Variants in PAN3 observed in about 807,000 individuals in gnomAD.
The protein encoded by PAN3 is poly(A) specific ribonuclease subunit PAN3.
A neutral mutation model predicts 96.2 loss-of-function variants in PAN3; 19 were observed. The observed-to-expected ratio is 0.20, with a 90% CI of 0.14 to 0.29. PAN3 has a LOEUF of 0.29. PAN3 is among the 10% of genes least tolerant of loss of function. The pLI is 1.00. For synonymous variants in PAN3, 433 were observed against 406.6 expected, an observed-to-expected ratio of 1.06 and a Z score of -0.78; for missense variants, 882 against 1,108.1, an observed-to-expected ratio of 0.80 and a Z score of 2.90.
At chr13:28,228,920 CT>C (rs1882270510) in intron 6 of PAN3, among the ~76,000 whole-genome samples, 1 of 152,126 alleles carries the variant, frequency 6.6e-6, no homozygotes, top group Non-Finnish European at 1.5e-5. Context: ...GTATTTCTTG[CT>C]TTTGTAACAC....
At chr13:28,157,004 A>G (rs571015980) in intron 1 of PAN3, among the ~76,000 whole-genome samples, 121 of 150,562 alleles carry the variant, frequency 8.0e-4, no homozygotes, top group Non-Finnish European at 1.6e-3. Context: ...AAAAAAAAAA[A>G]AAAAAAAAAA....
chr13:28,183,440 C>T (rs570869185), intron 4 of PAN3, among the ~76,000 whole-genome samples: 1 of 152,278 alleles, frequency 6.6e-6, no homozygotes, highest in East Asian at 1.9e-4. Context: ...ATTCATTCAC[C>T]TCCGCTTGTC....
intron 5 of PAN3, chr13:28,214,996 C>G (rs1880551674): frequency 1.5e-6 from 2 of 1,316,694 alleles, no homozygotes; most frequent in Non-Finnish European, 2.2e-6. Flanking sequence ...ACTGAGCCAA[C>G]TTACAGCCAG....
chr13:28,146,633 G>C (rs532379262), intron 1 of PAN3, among the ~76,000 whole-genome samples: 1 of 152,108 alleles, frequency 6.6e-6, no homozygotes, highest in South Asian at 2.1e-4. Context: ...GCCTGTTACT[G>C]TACTGAATAC....
chr13:28,277,522 A>G (rs1361651758), intron 15 of PAN3, 146 bp downstream of exon 15: 2 of 833,336 alleles, frequency 2.4e-6, no homozygotes, highest in Non-Finnish European at 3.6e-6. Flanking sequence ...TGCAAAGTAA[A>G]TATTTCTTAG....
At chr13:28,144,039 A>G (rs951984164) in intron 1 of PAN3, among the ~76,000 whole-genome samples, 1 of 152,066 alleles carries the variant, frequency 6.6e-6, no homozygotes, top group Non-Finnish European at 1.5e-5. Flanking sequence ...AAGGCTTTAT[A>G]ATACTGTTCA....
At chr13:28,151,286 T>C (rs942860693) in intron 1 of PAN3, among the ~76,000 whole-genome samples, 7 of 151,948 alleles carry the variant, frequency 4.6e-5, no homozygotes, top group African/African-American at 1.5e-4. Flanking sequence ...GAGGCCGAGG[T>C]GGGCAGATCA....
At chr13:28,139,553 G>GTGTGTGTGTGT (rs1869380395) in intron 1 of PAN3, among the ~76,000 whole-genome samples, 1 of 94,928 alleles carries the variant, frequency 1.1e-5, no homozygotes, top group African/African-American at 6.0e-5. Flanking sequence ...TGTGTGTGTA[G>GTGTGTGTGTGT]GGGGCGGGAG....
At position 28,293,224 on chromosome 13, in the gene PAN3, C is replaced by G. The variant is rs1389060790; in HGVS notation, c.*702C>G. On this transcript the variant is annotated 3_prime_UTR_variant, in exon 19 of 19. Coordinates refer to ENST00000380958, the MANE Select transcript of PAN3 (RefSeq NM_175854.8). ...ACAGTAACTGAAGGAGCATGTATAGCTCTTTCCTTCAAATTCAACTAGAGC... is the reference window on the plus strand; with the variant it reads ...ACAGTAACTGAAGGAGCATGTATAGGTCTTTCCTTCAAATTCAACTAGAGC... The G allele has an allele frequency of 6.6e-6, 1 of 152,094 alleles. No homozygotes were observed. The highest frequency in any genetic ancestry group is 1.5e-5 in the Non-Finnish European group (1 of 68,018). The allele number at this position is 152,094 out of a possible 1,614,324, so 9.4% of individuals were successfully genotyped here.
intron 4 of PAN3, among the ~76,000 whole-genome samples, chr13:28,195,890 T>A (rs1387084037): frequency 6.6e-6 from 1 of 152,180 alleles, no homozygotes; most frequent in African/African-American, 2.4e-5. Flanking sequence ...GAGTGGAGAA[T>A]CTAATTTGCA....
rs45566937 is a variant in PAN3 at position 28,260,488 on chromosome 13, C to T, written c.1290C>T (p.His430=). The change falls in exon 8 of 19, where the codon CAC becomes CAT. Residue 430 remains histidine, a synonymous_variant. Transcript: ENST00000380958. ...NYHIYPPTAP[H]VAYMQPKANA... is the part of the protein sequence containing the mutation. Reference sequence around the variant, plus strand: ...ATATTTATCCTCCAACTGCACCTCACGTTGCTTATATGCAACCGAAAGCAA... The same window carrying T: ...ATATTTATCCTCCAACTGCACCTCATGTTGCTTATATGCAACCGAAAGCAA... The T allele has an allele frequency of 3.1e-3, 4,976 of 1,613,510 alleles. 113 individuals carry two copies. In the African/African-American group the frequency reaches 0.054, roughly 18 times the overall value.
chr13:28,215,450 A>G (rs1400427946), intron 5 of PAN3: 1 of 696,568 alleles, frequency 1.4e-6, no homozygotes, highest in Non-Finnish European at 2.6e-6. Flanking sequence ...AATGTTATGA[A>G]TGTGTCTGTC....
chr13:28,217,678 A>G (rs934396624), intron 5 of PAN3, among the ~76,000 whole-genome samples: 2 of 152,128 alleles, frequency 1.3e-5, no homozygotes, highest in Non-Finnish European at 2.9e-5. Flanking sequence ...TAAAATGTCC[A>G]CTTAGAACTA....
At chr13:28,233,701 A>G (rs1057444917) in intron 6 of PAN3, among the ~76,000 whole-genome samples, 1 of 152,230 alleles carries the variant, frequency 6.6e-6, no homozygotes, top group Non-Finnish European at 1.5e-5. Flanking sequence ...GAAGCTTTAG[A>G]GGTACCTCAG....
chr13:28,175,810 C>T (rs1252263464), intron 2 of PAN3, among the ~76,000 whole-genome samples: 3 of 152,090 alleles, frequency 2.0e-5, no homozygotes, highest in Non-Finnish European at 4.4e-5. Flanking sequence ...ATTAAAATTA[C>T]CTCAGGAGCT....
intron 1 of PAN3, among the ~76,000 whole-genome samples, chr13:28,160,923 T>C (rs990116503): frequency 6.6e-6 from 1 of 152,246 alleles, no homozygotes; most frequent in Non-Finnish European, 1.5e-5. Flanking sequence ...TCAGTTGTCT[T>C]GAAGATGTCA....
At chr13:28,272,865 G>A (rs1317366020) in intron 14 of PAN3, among the ~76,000 whole-genome samples, 4 of 152,152 alleles carry the variant, frequency 2.6e-5, no homozygotes, top group African/African-American at 4.8e-5. Context: ...CACTGTGCCC[G>A]GCCTCCTGAT....
intron 1 of PAN3, among the ~76,000 whole-genome samples, chr13:28,155,609 A>G (rs1872039490): frequency 6.6e-6 from 1 of 152,170 alleles, no homozygotes; most frequent in South Asian, 2.1e-4. Flanking sequence ...AAAAATTAAA[A>G]AACAAAGATG....
chr13:28,258,662 C>T (rs547274859), intron 7 of PAN3, among the ~76,000 whole-genome samples: 155 of 152,260 alleles, frequency 1.0e-3, no homozygotes, highest in African/African-American at 3.5e-3. Flanking sequence ...TACCCAAACA[C>T]CTTTAGTTTC....
Sources: gnomAD v4.1 joint callset for allele counts (sites outside exome capture counted in the v4.1 genomes callset) on GRCh38, gnomAD v4.1.1 for gene constraint, MANE v1.5 for transcripts, NCBI Gene and HGNC (gene_info 2026-07-23, HGNC 2026-07-21) for gene names.